Variants in PRKG1 observed in about 807,000 individuals in gnomAD.
PRKG1 encodes protein kinase cGMP-dependent 1, also known as cGMP-dependent protein kinase 1.
In PRKG1, 35 loss-of-function variants were observed where a neutral mutation model predicts 88.1. The observed-to-expected ratio is 0.40, with a 90% CI of 0.30 to 0.53. The LOEUF (loss-of-function observed/expected upper bound fraction) is 0.53, where lower values mean the gene tolerates loss of function less well. PRKG1 is among the 20% of genes least tolerant of loss of function. The probability of loss-of-function intolerance (pLI) is 0.59; values close to 1 mark genes in which losing one functional copy is unlikely to be tolerated. For synonymous variants in PRKG1, 303 were observed against 292.5 expected, an observed-to-expected ratio of 1.04 and a Z score of -0.37; for missense variants, 540 against 839.8, an observed-to-expected ratio of 0.64 and a Z score of 4.41.
chr10:51,858,263 A>G lies in PRKG1; in HGVS notation c.699-49244A>G, dbSNP rs1367566042. On this transcript the variant is annotated intron_variant, in intron 4 of 17. Transcript: ENST00000373980. ...TATATATAATACATATTATACATATATATAATATTATACATATGTATAATT... is the reference window on the plus strand; with the variant it reads ...TATATATAATACATATTATACATATGTATAATATTATACATATGTATAATT... Among the ~76,000 whole-genome samples the G allele has an allele frequency of 5.2e-4, 10 of 19,074 alleles. 3 individuals carry two copies. The South Asian group carries it at 7.6e-3, about 15-fold the overall frequency. 12.5% of individuals were successfully genotyped at this position (19,074 alleles called of 152,430 possible).
At chr10:51,234,749 T>C (rs750244303) in intron 2 of PRKG1, among the ~76,000 whole-genome samples, 25 of 152,222 alleles carry the variant, frequency 1.6e-4, no homozygotes, top group Admixed American at 5.2e-4. Flanking sequence ...ATTAGAGTCC[T>C]AGCCAATAAA....
intron 2 of PRKG1, among the ~76,000 whole-genome samples, chr10:51,254,780 A>C (rs904772149): frequency 6.6e-6 from 1 of 152,004 alleles, no homozygotes; most frequent in African/African-American, 2.4e-5. Flanking sequence ...TGGGAAGAAA[A>C]ACTGAGATTT....
At chr10:51,211,359 A>C (rs1359796108) in intron 2 of PRKG1, among the ~76,000 whole-genome samples, 1 of 152,224 alleles carries the variant, frequency 6.6e-6, no homozygotes. Flanking sequence ...AGCCAATATC[A>C]TACTGAATGG....
chr10:51,722,028 A>C (rs1383650776), intron 3 of PRKG1, among the ~76,000 whole-genome samples: 1 of 152,134 alleles, frequency 6.6e-6, no homozygotes, highest in Non-Finnish European at 1.5e-5. Flanking sequence ...TCAGGAGTTC[A>C]AGACCAGCCT....
chr10:52,172,945 C>G (rs188757247), intron 9 of PRKG1, among the ~76,000 whole-genome samples: 1 of 152,214 alleles, frequency 6.6e-6, no homozygotes, highest in Non-Finnish European at 1.5e-5. Context: ...GTAAAAATAG[C>G]AATCTTGAAA....
At chr10:51,114,868 A>G (rs189481374) in intron 1 of PRKG1, among the ~76,000 whole-genome samples, 129 of 152,342 alleles carry the variant, frequency 8.5e-4, no homozygotes, top group Admixed American at 2.2e-3. Flanking sequence ...GTATTTATCA[A>G]TATAATGGTA....
chr10:51,837,310 A>T (rs1460633523), intron 4 of PRKG1, among the ~76,000 whole-genome samples: 2 of 152,158 alleles, frequency 1.3e-5, no homozygotes, highest in Non-Finnish European at 2.9e-5. Context: ...AAGTCTTTTG[A>T]ATATGGCACT....
chr10:51,127,264 A>G (rs1845451709), intron 1 of PRKG1, among the ~76,000 whole-genome samples: 1 of 151,308 alleles, frequency 6.6e-6, no homozygotes, highest in African/African-American at 2.5e-5. Flanking sequence ...ATTTACAAGA[A>G]CAACAACAAC....
At chr10:52,092,005 C>T (rs906274444) in intron 7 of PRKG1, among the ~76,000 whole-genome samples, 7 of 152,160 alleles carry the variant, frequency 4.6e-5, no homozygotes, top group South Asian at 2.1e-4. Flanking sequence ...AAAAACTTCT[C>T]CTGGGGTTAC....
intron 3 of PRKG1, chr10:51,698,543 T>A (rs200025907): frequency 6.2e-7 from 1 of 1,614,000 alleles, no homozygotes; most frequent in East Asian, 2.2e-5. Flanking sequence ...TCCACGTGGG[T>A]CATTTGGAGC....
chr10:51,975,141 T>G (rs887142967), intron 5 of PRKG1, among the ~76,000 whole-genome samples: 4 of 152,084 alleles, frequency 2.6e-5, no homozygotes, highest in Admixed American at 6.6e-5. Context: ...TTGCAAGATA[T>G]TTATAAGTAA....
intron 2 of PRKG1, among the ~76,000 whole-genome samples, chr10:51,258,456 A>G (rs1234688613): frequency 1.3e-5 from 2 of 152,186 alleles, no homozygotes; most frequent in Non-Finnish European, 2.9e-5. Flanking sequence ...CTAATGATTC[A>G]AAGCTTCTAT....
chr10:51,221,632 A>G (rs944685513), intron 2 of PRKG1, among the ~76,000 whole-genome samples: 1 of 149,934 alleles, frequency 6.7e-6, no homozygotes, highest in Non-Finnish European at 1.5e-5. Context: ...AAAAAAAAAG[A>G]TTGGCAAACT....
chr10:51,299,228 T>C (rs1840806689), intron 2 of PRKG1, among the ~76,000 whole-genome samples: 2 of 150,826 alleles, frequency 1.3e-5, no homozygotes, highest in Admixed American at 1.3e-4. Context: ...TTTTTTGAGA[T>C]GGAGTCTCAC....
chr10:51,743,206 G>A (rs958620898), intron 3 of PRKG1, among the ~76,000 whole-genome samples: 4 of 152,060 alleles, frequency 2.6e-5, no homozygotes, highest in Non-Finnish European at 4.4e-5. Flanking sequence ...AAGGACAGAC[G>A]CGGTAACAGG....
At chr10:51,129,360 G>A (rs1426042696) in intron 1 of PRKG1, among the ~76,000 whole-genome samples, 4 of 151,870 alleles carry the variant, frequency 2.6e-5, no homozygotes, top group Non-Finnish European at 4.4e-5. Flanking sequence ...CATGATAATC[G>A]CTTGAACCCG....
intron 5 of PRKG1, among the ~76,000 whole-genome samples, chr10:51,938,751 G>A (rs1842847023): frequency 6.6e-6 from 1 of 151,808 alleles, no homozygotes; most frequent in Admixed American, 6.6e-5. Flanking sequence ...CCAAAATCAA[G>A]TCCCACTTTT....
At chr10:51,119,075 T>C (rs1242377367) in intron 1 of PRKG1, among the ~76,000 whole-genome samples, 1 of 152,106 alleles carries the variant, frequency 6.6e-6, no homozygotes, top group Non-Finnish European at 1.5e-5. Flanking sequence ...TTGCACTACC[T>C]CCAAAACGCA....
chr10:51,739,019 C>G (rs1160807328), intron 3 of PRKG1, among the ~76,000 whole-genome samples: 1 of 152,152 alleles, frequency 6.6e-6, no homozygotes, highest in Non-Finnish European at 1.5e-5. Flanking sequence ...GGCCATGTTA[C>G]TTGTTTAATG....
Sources: gnomAD v4.1 joint callset for allele counts (sites outside exome capture counted in the v4.1 genomes callset) on GRCh38, gnomAD v4.1.1 for gene constraint, MANE v1.5 for transcripts, NCBI Gene and HGNC (gene_info 2026-07-23, HGNC 2026-07-21) for gene names.